Variants in SPATA22 observed in about 807,000 individuals in gnomAD.
SPATA22 encodes the protein spermatogenesis associated 22, also known as spermatogenesis-associated protein 22.
Under a neutral mutation model 47.8 loss-of-function variants are expected in SPATA22, and 29 were observed. The ratio of observed to expected loss-of-function variants is 0.61; its 90% CI spans 0.45 to 0.83. The LOEUF is 0.83. SPATA22 is among the 40% of genes least tolerant of loss of function. The pLI is 0.00. For synonymous variants in SPATA22, 133 were observed against 140.9 expected (o/e 0.94, Z 0.40); for missense variants, 410 against 421.7 (o/e 0.97, Z 0.24).
chr17:3,497,834 A>T (rs920747498), intron 1 of SPATA22, among the ~76,000 whole-genome samples: 4 of 152,164 alleles, frequency 2.6e-5, no homozygotes, highest in African/African-American at 4.8e-5. Context: ...GACATGCAGA[A>T]TCCCAGGCCC....
intron 1 of SPATA22, 70 bp downstream of exon 1, chr17:3,471,612 A>G (rs1014705104): frequency 1.1e-4 from 106 of 985,252 alleles, no homozygotes; most frequent in Middle Eastern, 5.2e-4. Flanking sequence ...CTCCAGTCCG[A>G]GTTGAGACGC....
At chr17:3,491,034 C>CA (rs2073815687) in intron 1 of SPATA22, among the ~76,000 whole-genome samples, 1 of 152,276 alleles carries the variant, frequency 6.6e-6, no homozygotes, top group East Asian at 1.9e-4. Context: ...TCATAGCCGC[C>CA]ATGTGAAAAG....
chr17:3,511,387 C>T (rs779532760), intron 1 of SPATA22: 4 of 152,170 alleles, frequency 2.6e-5, no homozygotes, highest in Non-Finnish European at 5.9e-5. Context: ...CATCTGTGGT[C>T]CAAGAATCAG....
intron 1 of SPATA22, among the ~76,000 whole-genome samples, chr17:3,496,824 T>C (rs984924101): frequency 3.9e-5 from 6 of 152,224 alleles, no homozygotes; most frequent in African/African-American, 1.2e-4. Flanking sequence ...CCCAGCGCTT[T>C]GGGAGGCCGA....
At chr17:3,489,371 A>G in intron 1 of SPATA22, 1 of 1,516,994 alleles carries the variant, frequency 6.6e-7, no homozygotes, top group Non-Finnish European at 9.2e-7. Flanking sequence ...AACGTTATCA[A>G]ACTTAACCAC....
At chr17:3,503,091 C>G (rs932264156) in intron 1 of SPATA22, 2 of 152,216 alleles carry the variant, frequency 1.3e-5, no homozygotes, top group African/African-American at 4.8e-5. Flanking sequence ...TCCCCGCCAT[C>G]CTCTTAGGCC....
chr17:3,470,472 G>C (rs1036937859), intron 1 of SPATA22, among the ~76,000 whole-genome samples: 2 of 152,052 alleles, frequency 1.3e-5, no homozygotes, highest in Non-Finnish European at 2.9e-5. Context: ...GAAACAGGCC[G>C]GGTGCAGTGG....
chr17:3,458,902 C>T (rs8078531), intron 5 of SPATA22, among the ~76,000 whole-genome samples: 33,487 of 117,344 alleles, frequency 0.29, 4,214 homozygotes, highest in East Asian at 0.45. Context: ...GTAAACAATG[C>T]AAGTGACAGA....
At chr17:3,443,136 G>C (rs1285096080) in intron 8 of SPATA22, 38 bp downstream of exon 8, 1 of 1,384,760 alleles carries the variant, frequency 7.2e-7, no homozygotes, top group Non-Finnish European at 1.0e-6. Flanking sequence ...ATATTCTGTT[G>C]ACATAGGCTT....
chr17:3,491,877 C>CTTTTTTTTTTTTTT (rs540965896), intron 1 of SPATA22, among the ~76,000 whole-genome samples: 2 of 123,060 alleles, frequency 1.6e-5, no homozygotes, highest in African/African-American at 3.1e-5. Context: ...CTTTTGTTTT[C>CTTTTTTTTTTTTTT]TTTTTTTTTT....
Position 3,469,338 on chromosome 17 carries a change from C to A in SPATA22, c.-13G>T. 1 of 1,558,110 alleles carries A rather than the reference C, an allele frequency of 6.4e-7. No individual in the cohort carries two copies. ...GGCTTCGCTTCATTTCCTTCAATAT[C>A]AAAATCTATAATTTTCTATTCAGCA... On this transcript the variant is annotated 5_prime_UTR_variant, in exon 2 of 9. Coordinates refer to ENST00000572969, the MANE Select transcript of SPATA22 (RefSeq NM_001170698.2).
At chr17:3,502,287 T>A (rs1240004717) in intron 1 of SPATA22, 1 of 152,256 alleles carries the variant, frequency 6.6e-6, no homozygotes. Context: ...ATACTACATA[T>A]AGTGTGAGCA....
intron 7 of SPATA22, among the ~76,000 whole-genome samples, chr17:3,444,295 A>C (rs1175444725): frequency 6.6e-6 from 1 of 152,028 alleles, no homozygotes; most frequent in African/African-American, 2.4e-5. Context: ...CCATCCCCAG[A>C]TCCACGAGTG....
rs986397218 is a variant in SPATA22, at chr17:3,490,351, T to A, written c.-73-20953A>T. On this transcript the variant is annotated intron_variant, in intron 1 of 8. Transcript: ENST00000541913. This position sits in a 1 kb window ranked among gnomAD's most constrained non-coding sequence, Gnocchi z 4.6. ...GTAAATCTAAAACTGCACTAAAAAG[T>A]CTATTAGTTATAAAAAAAGTTTACT... is the stretch of plus-strand genomic sequence containing the variant. 6.6e-6 allele frequency among the ~76,000 whole-genome samples: 1 copy of A among 152,328 alleles called. No individual in the cohort carries two copies. Among genetic ancestry groups the A allele is most frequent in the Middle Eastern group, 3.4e-3 (1 of 294 alleles).
rs1247584994 is a variant in SPATA22, at chr17:3,488,848, C to G, written c.-73-19450G>C. Among the ~76,000 whole-genome samples the G allele has an allele frequency of 6.6e-6, 1 of 152,034 alleles. No individual in the cohort carries two copies. The highest frequency in any genetic ancestry group is 1.9e-4 in the East Asian group (1 of 5,196). On this transcript the variant is annotated intron_variant, in intron 1 of 8. Coordinates refer to the SPATA22 transcript ENST00000541913. This position sits in a 1 kb window ranked among gnomAD's most constrained non-coding sequence, Gnocchi z 6.1. ...CTCCCGTCACAGCTAAATGTTAGAT[C>G]TTAACAGTTTCTCTTCAGGTCCACC...
At chr17:3,498,323 G>T (rs1219769926) in intron 1 of SPATA22, among the ~76,000 whole-genome samples, 1 of 152,042 alleles carries the variant, frequency 6.6e-6, no homozygotes. Flanking sequence ...TACATTCAAG[G>T]TAAACCTGGT....
At chr17:3,506,055 G>T (rs553113818) in intron 1 of SPATA22, among the ~76,000 whole-genome samples, 4 of 152,258 alleles carry the variant, frequency 2.6e-5, no homozygotes, top group African/African-American at 9.6e-5. Context: ...ACCATGCCCG[G>T]CTGCTTTTCT....
upstream of SPATA22, chr17:3,471,949 A>C (rs1325881401): frequency 3.9e-6 from 3 of 759,568 alleles, no homozygotes; most frequent in Non-Finnish European, 4.8e-6. Context: ...TGGCGTTCTC[A>C]CACTGTGGAC....
intron 8 of SPATA22, chr17:3,440,723 T>C (rs966480267): frequency 1.3e-5 from 2 of 156,774 alleles, no homozygotes; most frequent in Non-Finnish European, 2.8e-5. Flanking sequence ...TGAAATGTTT[T>C]GTTAAAAATC....
Sources: gnomAD v4.1 joint callset for allele counts (sites outside exome capture counted in the v4.1 genomes callset) on GRCh38, gnomAD v4.1.1 for gene constraint, Gnocchi (gnomAD v3.1) non-coding constraint, MANE v1.5 for transcripts, NCBI Gene and HGNC (gene_info 2026-07-23, HGNC 2026-07-21) for gene names.